Variants in FSTL5 observed in about 807,000 individuals in gnomAD.
FSTL5 encodes the protein follistatin like 5, also known as follistatin-related protein 5.
A neutral mutation model predicts 89.1 loss-of-function variants in FSTL5; 62 were observed. The ratio of observed to expected loss-of-function variants is 0.70; its 90% CI spans 0.57 to 0.86. FSTL5 has a LOEUF of 0.86. FSTL5 is among the 40% of genes least tolerant of loss of function. The pLI, the probability that FSTL5 is intolerant of heterozygous loss-of-function variation, is 0.00. For synonymous variants in FSTL5, 383 were observed against 346.2 expected, an observed-to-expected ratio of 1.11 and a Z score of -1.18; for missense variants, 1,057 against 1,001.6, an observed-to-expected ratio of 1.06 and a Z score of -0.75.
chr4:161,730,271 T>C (rs1739561871), intron 6 of FSTL5, among the ~76,000 whole-genome samples: 1 of 152,106 alleles, frequency 6.6e-6, no homozygotes, highest in Non-Finnish European at 1.5e-5. Context: ...ACTCTAGTAA[T>C]AAAATATAGT....
At chr4:161,670,827 C>T (rs1737075380) in intron 6 of FSTL5, among the ~76,000 whole-genome samples, 1 of 152,130 alleles carries the variant, frequency 6.6e-6, no homozygotes, top group Non-Finnish European at 1.5e-5. Context: ...ACAATTCATC[C>T]AGAATTAATT....
At chr4:161,533,753 C>A (rs1258317464) in intron 10 of FSTL5, among the ~76,000 whole-genome samples, 1 of 151,984 alleles carries the variant, frequency 6.6e-6, no homozygotes, top group East Asian at 1.9e-4. Context: ...ATACCAAAAT[C>A]TTGCAGAGTC....
chr4:162,073,215 A>G (rs972918033), intron 2 of FSTL5, among the ~76,000 whole-genome samples: 8 of 151,736 alleles, frequency 5.3e-5, no homozygotes, highest in African/African-American at 1.9e-4. Context: ...GTTTCACTGT[A>G]GAACTATATG....
chr4:161,730,783 T>C (rs1275158777), intron 6 of FSTL5, among the ~76,000 whole-genome samples: 1 of 152,194 alleles, frequency 6.6e-6, no homozygotes, highest in Non-Finnish European at 1.5e-5. Context: ...ATTTAAAGCA[T>C]AGAGATTTTA....
At chr4:161,930,870 T>C (rs1483183455) in intron 3 of FSTL5, among the ~76,000 whole-genome samples, 1 of 151,896 alleles carries the variant, frequency 6.6e-6, no homozygotes, top group Non-Finnish European at 1.5e-5. Context: ...CAAGTGCTTA[T>C]ATTCCTTTCC....
intron 4 of FSTL5, among the ~76,000 whole-genome samples, chr4:161,789,093 T>C (rs1158166899): frequency 6.6e-6 from 1 of 152,196 alleles, no homozygotes; most frequent in Non-Finnish European, 1.5e-5. Context: ...TTAATATTTA[T>C]ATACCTATTT....
At chr4:162,076,267 G>A (rs538110998) in intron 2 of FSTL5, among the ~76,000 whole-genome samples, 6 of 151,976 alleles carry the variant, frequency 3.9e-5, no homozygotes, top group Admixed American at 3.3e-4. Context: ...AATTCTCCAA[G>A]TGTCTCTGAT....
intron 4 of FSTL5, among the ~76,000 whole-genome samples, chr4:161,903,809 C>G (rs1733442008): frequency 6.6e-6 from 1 of 151,378 alleles, no homozygotes; most frequent in Non-Finnish European, 1.5e-5. Flanking sequence ...ATGCCTAGAT[C>G]AATTATAACT....
At chr4:161,494,554 C>T (rs77458848) in intron 12 of FSTL5, among the ~76,000 whole-genome samples, 4,911 of 152,186 alleles carry the variant, frequency 0.032, 259 homozygotes, top group African/African-American at 0.11. Flanking sequence ...TTTCTTGAAA[C>T]GTAAGTATTC....
rs576114199 is a variant in FSTL5 at position 161,578,354 on chromosome 4, G to C, written c.1015+9101C>G. Among the ~76,000 whole-genome samples, 5 of 151,964 alleles carry C rather than the reference G, an allele frequency of 3.3e-5. No individual in the cohort carries two copies. In the East Asian group the frequency reaches 9.7e-4, roughly 29 times the overall value. Reference sequence around the variant, plus strand: ...TCTGGTAGAGAATAACAGCTGATTAGACATACAGATAAAAGAAAAAATGTG... The same window carrying C: ...TCTGGTAGAGAATAACAGCTGATTACACATACAGATAAAAGAAAAAATGTG... On this transcript the variant is annotated intron_variant, in intron 8 of 15. Transcript: ENST00000306100.
At chr4:162,153,745 A>ATACATATATATGTATACATATATATGT (rs375756150) in intron 1 of FSTL5, among the ~76,000 whole-genome samples, 1 of 109,848 alleles carries the variant, frequency 9.1e-6, no homozygotes, top group African/African-American at 3.2e-5. Context: ...TGTATATAAT[A>ATACATATATATGTATACATATATATGT]ATATACATGT....
intron 10 of FSTL5, among the ~76,000 whole-genome samples, chr4:161,517,471 T>A (rs1435503259): frequency 6.6e-6 from 1 of 152,206 alleles, no homozygotes; most frequent in Non-Finnish European, 1.5e-5. Context: ...AATAGATGCC[T>A]GACAGGAGTG....
At chr4:161,660,463 A>T (rs1314565943) in intron 6 of FSTL5, among the ~76,000 whole-genome samples, 1 of 152,114 alleles carries the variant, frequency 6.6e-6, no homozygotes, top group African/African-American at 2.4e-5. Flanking sequence ...GGGTAAAAAT[A>T]TGTCATATTT....
rs139216478 is a variant in FSTL5 at position 161,920,856 on chromosome 4, C to G, written c.161-204G>C. Among the ~76,000 whole-genome samples the G allele has an allele frequency of 4.2e-3, 644 of 152,148 alleles. 2 individuals carry two copies. Among genetic ancestry groups the G allele is most frequent in the African/African-American group, 0.015 (625 of 41,528 alleles). ...TGCTTTCAGTATTCTTCCCTTCTTC[C>G]TCTCCTCTACTTGAGCTCTCTTCTC... On this transcript the variant is annotated intron_variant, in intron 3 of 15. Transcript: ENST00000306100.
chr4:161,631,093 A>C (rs1735489486), intron 7 of FSTL5, among the ~76,000 whole-genome samples: 1 of 152,238 alleles, frequency 6.6e-6, no homozygotes, highest in African/African-American at 2.4e-5. Context: ...TTTAGGTTCA[A>C]GAAAATAGAT....
chr4:161,548,203 A>T (rs921473177), intron 8 of FSTL5, among the ~76,000 whole-genome samples: 3 of 151,898 alleles, frequency 2.0e-5, no homozygotes, highest in Admixed American at 6.6e-5. Context: ...GGTACCACTT[A>T]CCAAAATGCT....
chr4:161,771,031 A>G (rs1212302187), intron 5 of FSTL5, among the ~76,000 whole-genome samples: 1 of 152,058 alleles, frequency 6.6e-6, no homozygotes, highest in African/African-American at 2.4e-5. Context: ...TGAAATAAGA[A>G]AAATTATTCC....
chr4:162,069,763 T>C (rs1249245368), intron 2 of FSTL5, among the ~76,000 whole-genome samples: 2 of 151,992 alleles, frequency 1.3e-5, no homozygotes, highest in Non-Finnish European at 2.9e-5. Context: ...AATATGCATA[T>C]ATGTCACATT....
chr4:161,539,973 A>G (rs1014287959), intron 9 of FSTL5, among the ~76,000 whole-genome samples: 2 of 151,610 alleles, frequency 1.3e-5, no homozygotes, highest in African/African-American at 4.8e-5. Context: ...TTGAAATACC[A>G]AATAAATTTC....
Sources: allele counts gnomAD v4.1 joint callset (sites outside exome capture counted in the v4.1 genomes callset), GRCh38; gene constraint gnomAD v4.1.1; transcripts MANE v1.5; gene names NCBI Gene and HGNC (gene_info 2026-07-23, HGNC 2026-07-21).